SCHIP1: variants seen among roughly 807,000 people sequenced by gnomAD.
The protein encoded by SCHIP1 is schwannomin-interacting protein 1.
Under a neutral mutation model 29.7 loss-of-function variants are expected in SCHIP1, and 8 were observed. The ratio of observed to expected loss-of-function variants is 0.27; its 90% CI spans 0.16 to 0.49. The LOEUF (loss-of-function observed/expected upper bound fraction) is 0.49. SCHIP1 is among the 20% of genes least tolerant of loss of function. SCHIP1 has a pLI of 0.99. For synonymous variants in SCHIP1, 76 were observed against 94.9 expected (o/e 0.80, Z 1.16); for missense variants, 193 against 294.6 (o/e 0.66, Z 2.52).
chr3:159,634,813 C>G, the SCHIP1 span, among the ~76,000 whole-genome samples: 417 of 152,256 alleles, frequency 2.7e-3, 1 homozygote, highest in African/African-American at 9.0e-3. Context: ...CCCCCCTTTT[C>G]CTTTTGATTT....
At chr3:159,413,857 C>G in the SCHIP1 span, among the ~76,000 whole-genome samples, 1 of 152,088 alleles carries the variant, frequency 6.6e-6, no homozygotes, top group South Asian at 2.1e-4. Flanking sequence ...CTCAAAACAG[C>G]ACAATTCAAT....
At chr3:159,717,435 C>A in the SCHIP1 span, among the ~76,000 whole-genome samples, 2 of 152,126 alleles carry the variant, frequency 1.3e-5, no homozygotes, top group South Asian at 2.1e-4. Flanking sequence ...ATCAATGAAT[C>A]CAGGAGCTGG....
the SCHIP1 span, among the ~76,000 whole-genome samples, chr3:159,628,499 A>T: frequency 6.6e-6 from 1 of 152,216 alleles, no homozygotes; most frequent in Admixed American, 6.5e-5. Flanking sequence ...GACATACTTT[A>T]AAATAACTAT....
chr3:159,870,230 T>C (rs530579530), intron 2 of SCHIP1, among the ~76,000 whole-genome samples: 1 of 152,024 alleles, frequency 6.6e-6, no homozygotes, highest in Non-Finnish European at 1.5e-5. Context: ...CTTTGTCTTA[T>C]TGGATTGGCT....
chr3:159,605,913 G>A, the SCHIP1 span, among the ~76,000 whole-genome samples: 1 of 151,976 alleles, frequency 6.6e-6, no homozygotes, highest in African/African-American at 2.4e-5. Flanking sequence ...TCCACCCCAC[G>A]TCCCTACCAC....
chr3:159,290,140 A>T, the SCHIP1 span, among the ~76,000 whole-genome samples: 1 of 152,266 alleles, frequency 6.6e-6, no homozygotes, highest in Non-Finnish European at 1.5e-5. Flanking sequence ...GACAACTAAA[A>T]AAAAGGTGGA....
At chr3:159,667,685 G>A in the SCHIP1 span, among the ~76,000 whole-genome samples, 1 of 152,198 alleles carries the variant, frequency 6.6e-6, no homozygotes, top group African/African-American at 2.4e-5. Context: ...ATCCCCACAG[G>A]GAAATGTCTT....
chr3:159,722,607 G>A, the SCHIP1 span, among the ~76,000 whole-genome samples: 1 of 152,158 alleles, frequency 6.6e-6, no homozygotes, highest in African/African-American at 2.4e-5. Context: ...ATGTGTATGT[G>A]TATGTGTGTG....
chr3:159,628,213 C>G, the SCHIP1 span, among the ~76,000 whole-genome samples: 1 of 143,090 alleles, frequency 7.0e-6, no homozygotes, highest in Non-Finnish European at 1.6e-5. Flanking sequence ...ACACTAGAGA[C>G]CTACACTCAA....
At chr3:159,815,947 A>ATTTATTTATTT in the SCHIP1 span, among the ~76,000 whole-genome samples, 1 of 150,902 alleles carries the variant, frequency 6.6e-6, no homozygotes, top group Non-Finnish European at 1.5e-5. Context: ...CTATTTATTT[A>ATTTATTTATTT]TTTATTTATT....
At chr3:159,367,296 G>A in the SCHIP1 span, among the ~76,000 whole-genome samples, 1 of 151,906 alleles carries the variant, frequency 6.6e-6, no homozygotes, top group Non-Finnish European at 1.5e-5. Flanking sequence ...GGAGGCTGAG[G>A]CAGAAGAATT....
At chr3:159,292,223 TAGAG>T in the SCHIP1 span, among the ~76,000 whole-genome samples, 1 of 151,764 alleles carries the variant, frequency 6.6e-6, no homozygotes, top group African/African-American at 2.4e-5. Flanking sequence ...GGAAGACAGG[TAGAG>T]AGAGGAGGGA....
At chr3:159,394,482 A>G in the SCHIP1 span, among the ~76,000 whole-genome samples, 2 of 152,320 alleles carry the variant, frequency 1.3e-5, 1 homozygote, top group Middle Eastern at 6.8e-3. Context: ...ATTTTGAAAT[A>G]GGTCCCATCA....
the SCHIP1 span, among the ~76,000 whole-genome samples, chr3:159,300,334 A>G: frequency 1.3e-5 from 2 of 151,670 alleles, no homozygotes; most frequent in Non-Finnish European, 1.5e-5. Flanking sequence ...AAATCTCACT[A>G]TGTTGCCCAG....
the SCHIP1 span, among the ~76,000 whole-genome samples, chr3:159,593,374 G>A: frequency 1.3e-5 from 2 of 152,166 alleles, no homozygotes; most frequent in Admixed American, 6.6e-5. Context: ...CCTGACTGGA[G>A]GACTCATCTG....
the SCHIP1 span, among the ~76,000 whole-genome samples, chr3:159,409,896 C>A: frequency 1.3e-5 from 2 of 152,064 alleles, no homozygotes; most frequent in African/African-American, 4.8e-5. Flanking sequence ...CTATAGTAAC[C>A]AAAACAGCAT....
At chr3:159,880,671 A>G (rs767902734) in intron 2 of SCHIP1, among the ~76,000 whole-genome samples, 5 of 152,240 alleles carry the variant, frequency 3.3e-5, no homozygotes, top group African/African-American at 4.8e-5. Context: ...CGGGGACAGC[A>G]GCTACTCAGC....
the SCHIP1 span, among the ~76,000 whole-genome samples, chr3:159,458,221 C>A: frequency 3.9e-5 from 6 of 152,184 alleles, no homozygotes; most frequent in African/African-American, 1.4e-4. Flanking sequence ...CAATGACAAC[C>A]CTTCTGTCCT....
the SCHIP1 span, among the ~76,000 whole-genome samples, chr3:159,779,523 G>C: frequency 7.0e-6 from 1 of 141,930 alleles, no homozygotes; most frequent in Non-Finnish European, 1.5e-5. Flanking sequence ...AAAAAAAAAA[G>C]TTAGCTGGTC....
Sources: gnomAD v4.1 joint callset for allele counts (sites outside exome capture counted in the v4.1 genomes callset) on GRCh38, gnomAD v4.1.1 for gene constraint, MANE v1.5 for transcripts, NCBI Gene and HGNC (gene_info 2026-07-23, HGNC 2026-07-21) for gene names.